SPIDR: variants seen among roughly 807,000 people sequenced by gnomAD.
SPIDR encodes the protein DNA repair-scaffolding protein.
SPIDR carries 93 observed loss-of-function variants against 104.6 expected under a neutral mutation model. That is an observed-to-expected ratio of 0.89 (90% CI 0.75 to 1.06). The LOEUF (loss-of-function observed/expected upper bound fraction) is 1.06. Among genes scored for constraint, SPIDR ranks in the 50% least tolerant of loss-of-function variants. SPIDR has a pLI of 0.00. For synonymous variants in SPIDR, 431 were observed against 416.9 expected, an observed-to-expected ratio of 1.03 and a Z score of -0.41; for missense variants, 1,154 against 1,111.2, an observed-to-expected ratio of 1.04 and a Z score of -0.55.
chr8:47,448,945 G>T (rs890611556), intron 8 of SPIDR, among the ~76,000 whole-genome samples: 1 of 152,152 alleles, frequency 6.6e-6, no homozygotes, highest in Non-Finnish European at 1.5e-5. Context: ...TGAATCTGGA[G>T]AACCTCCCTG....
At chr8:47,370,197 A>G (rs538235065) in intron 5 of SPIDR, among the ~76,000 whole-genome samples, 1 of 152,218 alleles carries the variant, frequency 6.6e-6, no homozygotes, top group South Asian at 2.1e-4. Context: ...TCCTGTGTGT[A>G]ACATCTTATG....
intron 16 of SPIDR, among the ~76,000 whole-genome samples, chr8:47,718,385 T>A (rs1354150554): frequency 6.6e-6 from 1 of 152,188 alleles, no homozygotes; most frequent in African/African-American, 2.4e-5. Flanking sequence ...ATTTTTTTTT[T>A]CTGTGCCCTC....
At chr8:47,575,872 A>C (rs2059050740) in intron 8 of SPIDR, among the ~76,000 whole-genome samples, 1 of 149,934 alleles carries the variant, frequency 6.7e-6, no homozygotes, top group Non-Finnish European at 1.5e-5. Flanking sequence ...AGGCAGGAGA[A>C]TCACTTGAAC....
At chr8:47,594,470 AG>A in intron 8 of SPIDR, among the ~76,000 whole-genome samples, 1 of 152,256 alleles carries the variant, frequency 6.6e-6, no homozygotes, top group South Asian at 2.1e-4. Flanking sequence ...GGGGAAGTCC[AG>A]GTCTTCACTT....
chr8:47,404,550 A>G (rs376975863), intron 6 of SPIDR, among the ~76,000 whole-genome samples: 23 of 152,370 alleles, frequency 1.5e-4, no homozygotes, highest in African/African-American at 5.5e-4. Flanking sequence ...GGATATGAAC[A>G]GACAGTTCTC....
intron 8 of SPIDR, among the ~76,000 whole-genome samples, chr8:47,485,362 G>A (rs1252529193): frequency 3.9e-5 from 6 of 152,340 alleles, no homozygotes; most frequent in African/African-American, 1.2e-4. Flanking sequence ...CAGGAAGCTC[G>A]AACTGGGTGG....
At chr8:47,334,360 G>C (rs2049307611) in intron 5 of SPIDR, among the ~76,000 whole-genome samples, 1 of 152,182 alleles carries the variant, frequency 6.6e-6, no homozygotes, top group Non-Finnish European at 1.5e-5. Context: ...ATTTCTGTGA[G>C]AGATCTTGAA....
intron 6 of SPIDR, among the ~76,000 whole-genome samples, chr8:47,401,229 G>C (rs1291108413): frequency 3.3e-5 from 5 of 152,130 alleles, no homozygotes; most frequent in African/African-American, 1.2e-4. Flanking sequence ...TTCATATCCA[G>C]CCAAACTACG....
chr8:47,269,165 CTTTTTT>C (rs1160351168), intron 1 of SPIDR, among the ~76,000 whole-genome samples: 1 of 111,810 alleles, frequency 8.9e-6, no homozygotes, highest in Non-Finnish European at 1.8e-5. Flanking sequence ...AGACCCTCTC[CTTTTTT>C]TTTTTTTTTT....
chr8:47,502,729 A>G (rs987389856), intron 8 of SPIDR, among the ~76,000 whole-genome samples: 1 of 152,114 alleles, frequency 6.6e-6, no homozygotes, highest in African/African-American at 2.4e-5. Context: ...TTTTGATGTT[A>G]GGGTGTCAAT....
At position 47,701,739 on chromosome 8, in the gene SPIDR, C is replaced by T. The variant is rs902885918; in HGVS notation, c.1792C>T (p.Pro598Ser). 1 of 1,614,120 alleles carries T rather than the reference C, an allele frequency of 6.2e-7. No individual in the cohort carries two copies. The highest frequency in any genetic ancestry group is 1.3e-5 in the African/African-American group (1 of 75,032). ...PCEEIKTHLP[P>S]PALCYILTAH... ...TAAACAGATAAAAACTCATCTGCCT[C>T]CTCCAGCCTTGTGTTACATCCTCAC... Residue 598 changes from proline (P) to serine (S), a missense_variant, in exon 13 of 20, where the codon CCT becomes TCT. Physicochemically the swap from Pro to Ser is moderately conservative, Grantham distance 74. Transcript: ENST00000297423.
At chr8:47,676,204 C>T (rs1397798096) in intron 11 of SPIDR, among the ~76,000 whole-genome samples, 2 of 152,250 alleles carry the variant, frequency 1.3e-5, no homozygotes, top group African/African-American at 4.8e-5. Flanking sequence ...GTAACATTTA[C>T]ATGGGAAATG....
At chr8:47,649,724 GA>G (rs999356788) in intron 10 of SPIDR, among the ~76,000 whole-genome samples, 3 of 151,892 alleles carry the variant, frequency 2.0e-5, no homozygotes, top group Admixed American at 6.5e-5. Flanking sequence ...TAATTCAGGG[GA>G]AAAAAACATG....
chr8:47,691,949 T>G lies in SPIDR; in HGVS notation c.1686-8454T>G, dbSNP rs145817715. On this transcript the variant is annotated intron_variant, in intron 11 of 19. Coordinates refer to ENST00000297423, the MANE Select transcript of SPIDR (RefSeq NM_001080394.4). ...TTTCCAGTGAAGATAGCAGCACTAC[T>G]CTTTTATTGCAGAAGTCCCCAGTTT... Among the ~76,000 whole-genome samples, 519 of 152,364 alleles carry G rather than the reference T, an allele frequency of 3.4e-3. 1 individual carries two copies. The highest frequency in any genetic ancestry group is 5.6e-3 in the Non-Finnish European group (381 of 68,040).
intron 16 of SPIDR, among the ~76,000 whole-genome samples, chr8:47,719,487 C>T (rs945051856): frequency 4.0e-5 from 6 of 151,402 alleles, no homozygotes; most frequent in South Asian, 4.2e-4. Flanking sequence ...CCAGCCTGGG[C>T]GACAGAGCGA....
chr8:47,393,010 C>T (rs1049574495), intron 5 of SPIDR, among the ~76,000 whole-genome samples: 2 of 152,080 alleles, frequency 1.3e-5, no homozygotes, highest in Admixed American at 1.3e-4. Context: ...TCTCTTCTTC[C>T]TTTCACATAA....
At chr8:47,507,666 G>A (rs1343300409) in intron 8 of SPIDR, among the ~76,000 whole-genome samples, 2 of 152,146 alleles carry the variant, frequency 1.3e-5, no homozygotes, top group Non-Finnish European at 2.9e-5. Flanking sequence ...ACTTTTACTT[G>A]AGGACACAGT....
intron 5 of SPIDR, among the ~76,000 whole-genome samples, chr8:47,354,163 T>C (rs551109546): frequency 6.6e-6 from 1 of 152,300 alleles, no homozygotes; most frequent in East Asian, 1.9e-4. Flanking sequence ...AGAAAATATA[T>C]TCACAAAGTG....
intron 5 of SPIDR, among the ~76,000 whole-genome samples, chr8:47,350,784 A>G (rs1164874128): frequency 6.6e-6 from 1 of 152,226 alleles, no homozygotes; most frequent in African/African-American, 2.4e-5. Context: ...CATTTGAGAA[A>G]CAACTTCTGT....
Sources: gnomAD v4.1 joint callset for allele counts (sites outside exome capture counted in the v4.1 genomes callset) on GRCh38, gnomAD v4.1.1 for gene constraint, MANE v1.5 for transcripts, NCBI Gene and HGNC (gene_info 2026-07-23, HGNC 2026-07-21) for gene names.